The following MYO5A variants were observed in gnomAD, a reference collection of about 807,000 sequenced individuals.
MYO5A encodes unconventional myosin-Va.
A neutral mutation model predicts 249.7 loss-of-function variants in MYO5A; 98 were observed. The observed-to-expected ratio is 0.39, with a 90% CI of 0.33 to 0.46. The LOEUF is 0.46. Ranked by LOEUF, MYO5A falls within the 20% of genes least tolerant of loss-of-function variation. MYO5A has a pLI of 0.98. For synonymous variants in MYO5A, 778 were observed against 810.6 expected (o/e 0.96, Z 0.68); for missense variants, 1,696 against 2,308.8 (o/e 0.73, Z 5.44).
At chr15:52,502,765 T>A (rs1394686222) in intron 1 of MYO5A, among the ~76,000 whole-genome samples, 1 of 152,256 alleles carries the variant, frequency 6.6e-6, no homozygotes, top group African/African-American at 2.4e-5. Flanking sequence ...ATTTCTTCAG[T>A]TACACAAAGA....
chr15:52,393,711 G>T (rs1356064397), intron 11 of MYO5A, among the ~76,000 whole-genome samples: 2 of 152,134 alleles, frequency 1.3e-5, no homozygotes, highest in Non-Finnish European at 2.9e-5. Flanking sequence ...AGTGTTTACA[G>T]TCTAACGAGC....
At chr15:52,358,594 C>G (rs892795398) in intron 25 of MYO5A, among the ~76,000 whole-genome samples, 2 of 152,090 alleles carry the variant, frequency 1.3e-5, no homozygotes, top group Admixed American at 6.6e-5. Flanking sequence ...TCTAAGAGGC[C>G]TGGCATCTTT....
chr15:52,521,147 G>A (rs1047362073), intron 1 of MYO5A, among the ~76,000 whole-genome samples: 3 of 150,516 alleles, frequency 2.0e-5, no homozygotes, highest in Non-Finnish European at 4.4e-5. Context: ...AGAATCGATT[G>A]AACACAGGAG....
chr15:52,340,332 C>A lies in MYO5A; in HGVS notation c.4103G>T (p.Arg1368Leu), dbSNP rs753717165. The change falls in exon 32 of 42, where the codon CGT becomes CTT. Residue 1368 changes from arginine (R) to leucine (L), a missense_variant. By Grantham distance (102) the Arg-to-Leu change is moderately radical. This residue lies in a region of MYO5A where 625 missense variants were observed against 908.1 expected (regional missense o/e 0.69). Transcript: ENST00000399233. ...RSHENEAEAL[R>L]GEIQSLKEEN... is the part of the protein sequence containing the mutation. Reference sequence around the variant, plus strand: ...CTCCTTCAGGCTCTGGATCTCCCCACGGAGGGCCTCGGCCTCATTCTCATG... The same window carrying A: ...CTCCTTCAGGCTCTGGATCTCCCCAAGGAGGGCCTCGGCCTCATTCTCATG... 14 of 1,613,954 alleles carry A rather than the reference C, an allele frequency of 8.7e-6. No individual in the cohort carries two copies. The highest frequency in any genetic ancestry group is 7.7e-5 in the South Asian group (7 of 91,078).
At chr15:52,452,465 C>T (rs969581055) in intron 1 of MYO5A, among the ~76,000 whole-genome samples, 1 of 152,146 alleles carries the variant, frequency 6.6e-6, no homozygotes, top group African/African-American at 2.4e-5. Flanking sequence ...GGGTGAAATA[C>T]CCCTGAGGAC....
chr15:52,379,969 T>A, intron 16 of MYO5A, 61 bp from the exon 17 acceptor site: 2 of 1,533,568 alleles, frequency 1.3e-6, no homozygotes, highest in Admixed American at 1.7e-5. Flanking sequence ...CACAAATTAC[T>A]CTCCTCAGTC....
chr15:52,443,752 G>A (rs1041942953), intron 1 of MYO5A, among the ~76,000 whole-genome samples: 29 of 150,170 alleles, frequency 1.9e-4, no homozygotes, highest in African/African-American at 5.9e-4. Flanking sequence ...AGGCCGAGGC[G>A]GGTGGATTGT....
intron 1 of MYO5A, among the ~76,000 whole-genome samples, chr15:52,485,878 A>G (rs1340746661): frequency 6.6e-6 from 1 of 152,202 alleles, no homozygotes; most frequent in Non-Finnish European, 1.5e-5. Flanking sequence ...TGCTTCTTTG[A>G]AAACACTATA....
intron 25 of MYO5A, among the ~76,000 whole-genome samples, chr15:52,358,843 C>G (rs1224527680): frequency 6.6e-6 from 1 of 151,964 alleles, no homozygotes; most frequent in Non-Finnish European, 1.5e-5. Flanking sequence ...CAATAGATAA[C>G]TGGAAAAACC....
chr15:52,375,543 C>T (rs2041366669), intron 19 of MYO5A, 83 bp from the exon 20 acceptor site: 2 of 1,426,016 alleles, frequency 1.4e-6, no homozygotes, highest in Non-Finnish European at 1.9e-6. Context: ...AAGAGTGTCA[C>T]TGTTTTAGGC....
chr15:52,333,862 G>A (rs1262850222), intron 34 of MYO5A, among the ~76,000 whole-genome samples: 1 of 152,316 alleles, frequency 6.6e-6, no homozygotes, highest in South Asian at 2.1e-4. Context: ...TGTATTTTCT[G>A]TGTAACAGGC....
intron 5 of MYO5A, among the ~76,000 whole-genome samples, chr15:52,413,770 T>C (rs1222120200): frequency 6.6e-6 from 1 of 152,232 alleles, no homozygotes; most frequent in Non-Finnish European, 1.5e-5. Context: ...AGTTCAACTC[T>C]TTACCAAATT....
chr15:52,519,880 G>C (rs1346586307), intron 1 of MYO5A, among the ~76,000 whole-genome samples: 2 of 151,850 alleles, frequency 1.3e-5, no homozygotes, highest in African/African-American at 4.8e-5. Flanking sequence ...ACAGGCACAC[G>C]CCACCACGCC....
chr15:52,391,438 C>T (rs1669871), intron 12 of MYO5A, among the ~76,000 whole-genome samples: 7,907 of 152,248 alleles, frequency 0.052, 244 homozygotes, highest in South Asian at 0.092. Flanking sequence ...GGTTTGCCTA[C>T]GATCACTCAG....
chr15:52,426,084 T>G lies in MYO5A; in HGVS notation c.311-110A>C, dbSNP rs1232350868. On this transcript the variant is annotated intron_variant, in intron 3 of 41. Transcript: ENST00000399233. ...AGTTAACACAATCCTTCATTTCAAT[T>G]TAGTTAATATTAAACCAATAAATTG... 6.3e-6 allele frequency: 6 copies of G among 946,614 alleles called. No individual in the cohort carries two copies. The East Asian group carries it at 1.3e-4, about 20-fold the overall frequency. The allele number at this position is 946,614 out of a possible 1,614,324, so 58.6% of individuals were successfully genotyped here. A position where few individuals can be genotyped will look rare whatever the true frequency, so the allele number is the denominator to read the frequency against.
intron 40 of MYO5A, among the ~76,000 whole-genome samples, chr15:52,314,801 G>A (rs930245319): frequency 2.0e-5 from 3 of 151,880 alleles, no homozygotes; most frequent in African/African-American, 7.3e-5. Context: ...TTGTAAAATG[G>A]TCATGTCTCT....
intron 1 of MYO5A, among the ~76,000 whole-genome samples, chr15:52,526,820 GA>G (rs930221974): frequency 6.6e-6 from 1 of 152,018 alleles, no homozygotes; most frequent in Non-Finnish European, 1.5e-5. Context: ...TATCCTGGGG[GA>G]AAAAAGCATT....
chr15:52,407,430 T>C, intron 7 of MYO5A, 31 bp from the exon 8 acceptor site: 1 of 1,555,480 alleles, frequency 6.4e-7, no homozygotes, highest in Admixed American at 1.7e-5. Flanking sequence ...AATTTTCTGG[T>C]TTATGAAAAA....
At chr15:52,387,365 C>T (rs2042012931) in intron 14 of MYO5A, among the ~76,000 whole-genome samples, 1 of 152,230 alleles carries the variant, frequency 6.6e-6, no homozygotes, top group South Asian at 2.1e-4. Context: ...CAGTCTCCAT[C>T]TGGATGGAGT....
Sources: gnomAD v4.1 joint callset for allele counts (sites outside exome capture counted in the v4.1 genomes callset) on GRCh38, gnomAD v4.1.1 for gene constraint, gnomAD v4.1.1 regional missense constraint, MANE v1.5 for transcripts, NCBI Gene and HGNC (gene_info 2026-07-23, HGNC 2026-07-21) for gene names.